The following REEP1 variants were observed in gnomAD, a reference collection of about 807,000 sequenced individuals.
REEP1 encodes receptor accessory protein 1.
Under a neutral mutation model 40.3 loss-of-function variants are expected in REEP1, and 22 were observed. That is an observed-to-expected ratio of 0.55 (90% CI 0.39 to 0.78). The LOEUF is 0.78. Among genes scored for constraint, REEP1 ranks in the 30% least tolerant of loss-of-function variants. REEP1 has a pLI of 0.00. For missense variants in REEP1, 280 were observed against 361.1 expected (o/e 0.78, Z 1.82); for synonymous variants, 116 against 139.2 (o/e 0.83, Z 1.17).
intron 1 of REEP1, among the ~76,000 whole-genome samples, chr2:86,284,012 T>A (rs1280668847): frequency 1.3e-5 from 2 of 151,716 alleles, no homozygotes; most frequent in Non-Finnish European, 2.9e-5. Flanking sequence ...GGGGAAAAAG[T>A]AGGCCTGGGG....
At chr2:86,257,374 C>T (rs1487014171) in intron 3 of REEP1, among the ~76,000 whole-genome samples, 2 of 151,854 alleles carry the variant, frequency 1.3e-5, no homozygotes, top group Non-Finnish European at 2.9e-5. Flanking sequence ...GAGTATACAA[C>T]GAAGAGTCTC....
At chr2:86,235,383 C>T (rs181758019) in intron 5 of REEP1, among the ~76,000 whole-genome samples, 10 of 152,290 alleles carry the variant, frequency 6.6e-5, no homozygotes, top group Admixed American at 5.9e-4. Context: ...GCTGCTCGTG[C>T]GGATTCAATG....
chr2:86,314,018 T>C (rs1200395586), intron 1 of REEP1, among the ~76,000 whole-genome samples: 2 of 152,242 alleles, frequency 1.3e-5, no homozygotes, highest in Non-Finnish European at 2.9e-5. Context: ...TTTGTGACTT[T>C]GTATCCAACC....
chr2:86,227,786 C>T (rs1044103170), intron 6 of REEP1, among the ~76,000 whole-genome samples: 5 of 152,206 alleles, frequency 3.3e-5, no homozygotes, highest in African/African-American at 1.2e-4. Flanking sequence ...CCCCAAAGTG[C>T]TTCGCATCTG....
chr2:86,284,365 A>G (rs562562799), intron 1 of REEP1, among the ~76,000 whole-genome samples: 12 of 152,236 alleles, frequency 7.9e-5, no homozygotes, highest in Non-Finnish European at 1.5e-4. Context: ...CCACAAAGCC[A>G]GAGATGGTGT....
chr2:86,215,616 ATAT>A lies in REEP1; in HGVS notation c.*1420_*1422del, dbSNP rs1674068382. ...AGAAACACCAACTCGAAGCACAAAT[ATAT>A]TATTCTTATATTTCGGCTCAGCTCT... is the stretch of plus-strand genomic sequence containing the variant. On this transcript the variant is annotated 3_prime_UTR_variant, in exon 9 of 9. Coordinates refer to ENST00000538924, the MANE Select transcript of REEP1 (RefSeq NM_001371279.1). The A allele has an allele frequency of 6.6e-6, 1 of 152,622 alleles. No homozygotes were observed. Among genetic ancestry groups the A allele is most frequent in the Admixed American group, 6.5e-5 (1 of 15,270 alleles). 9.5% of individuals were successfully genotyped at this position (152,622 alleles called of 1,614,324 possible).
At chr2:86,263,853 C>T (rs913615730) in intron 3 of REEP1, 112 bp downstream of exon 3, 7 of 788,186 alleles carry the variant, frequency 8.9e-6, no homozygotes, top group Admixed American at 7.0e-5. Context: ...CCTGCTCTTG[C>T]GTCTCTGGCC....
chr2:86,325,384 C>A (rs1219130602), intron 1 of REEP1, among the ~76,000 whole-genome samples: 1 of 152,180 alleles, frequency 6.6e-6, no homozygotes, highest in Non-Finnish European at 1.5e-5. Context: ...TGGGTGTGGT[C>A]AGCTGAGTAA....
At chr2:86,255,109 A>G in intron 3 of REEP1, 1 of 348,190 alleles carries the variant, frequency 2.9e-6, no homozygotes. Context: ...CACAGGCTGG[A>G]GCTTCCTGCT....
intron 6 of REEP1, among the ~76,000 whole-genome samples, chr2:86,232,217 C>T (rs953763031): frequency 6.6e-6 from 1 of 152,134 alleles, no homozygotes; most frequent in African/African-American, 2.4e-5. Context: ...CAGTAAGCCC[C>T]GGGTGAGAAG....
intron 1 of REEP1, among the ~76,000 whole-genome samples, chr2:86,330,879 T>C (rs933114647): frequency 6.6e-6 from 1 of 152,186 alleles, no homozygotes; most frequent in Non-Finnish European, 1.5e-5. Flanking sequence ...ACCTTTGTTT[T>C]CTTGAGCCAC....
intron 1 of REEP1, among the ~76,000 whole-genome samples, chr2:86,332,755 A>G (rs1680836239): frequency 6.6e-6 from 1 of 152,226 alleles, no homozygotes; most frequent in African/African-American, 2.4e-5. Flanking sequence ...ACAAAGAAAC[A>G]GGGCAGCTCA....
At chr2:86,283,534 C>T (rs751126821) in intron 1 of REEP1, among the ~76,000 whole-genome samples, 1 of 152,192 alleles carries the variant, frequency 6.6e-6, no homozygotes, top group Non-Finnish European at 1.5e-5. Context: ...GAGAGAACTC[C>T]TAGTCCAGAA....
chr2:86,298,902 G>A lies in REEP1; in HGVS notation c.33-16660C>T, dbSNP rs185170092. On this transcript the variant is annotated intron_variant, in intron 1 of 8. Coordinates refer to ENST00000538924, the MANE Select transcript of REEP1 (RefSeq NM_001371279.1). ...TGCTGACCGAGCTTTCCTCTGGATG[G>A]TGGAAAACAAAGAGTGGATAGGCTG... Among the ~76,000 whole-genome samples, 39 of 152,312 alleles carry A rather than the reference G, an allele frequency of 2.6e-4. 1 individual carries two copies. Among genetic ancestry groups the A allele is most frequent in the Admixed American group, 2.1e-3 (32 of 15,302 alleles).
chr2:86,272,691 T>C (rs1425982138), intron 2 of REEP1, among the ~76,000 whole-genome samples: 1 of 152,226 alleles, frequency 6.6e-6, no homozygotes, highest in African/African-American at 2.4e-5. Flanking sequence ...TTCTTGAACC[T>C]GTCTTATTTT....
intron 4 of REEP1, among the ~76,000 whole-genome samples, chr2:86,253,343 A>AATG (rs1676387132): frequency 6.6e-6 from 1 of 151,854 alleles, no homozygotes; most frequent in African/African-American, 2.4e-5. Context: ...TCGGTAAGAC[A>AATG]ATGACATTTG....
intron 6 of REEP1, among the ~76,000 whole-genome samples, chr2:86,229,371 C>G (rs1170301703): frequency 6.6e-6 from 1 of 152,194 alleles, no homozygotes; most frequent in Non-Finnish European, 1.5e-5. Context: ...AGTCTAGCCT[C>G]TTCCCCTTTT....
rs559555789 is a variant in REEP1 at position 86,245,817 on chromosome 2, T to C, written c.417+6140A>G. Reference sequence around the variant, plus strand: ...TCTCACTCCGTCTCCCAGGCTGGAGTGCAGTGGTGCTATCTTGGCTCACTG... The same window carrying C: ...TCTCACTCCGTCTCCCAGGCTGGAGCGCAGTGGTGCTATCTTGGCTCACTG... On this transcript the variant is annotated intron_variant, in intron 5 of 8. Coordinates refer to ENST00000538924, the MANE Select transcript of REEP1 (RefSeq NM_001371279.1). Among the ~76,000 whole-genome samples, 17 of 150,420 alleles carry C rather than the reference T, an allele frequency of 1.1e-4. No homozygotes were observed. In the East Asian group the frequency reaches 2.2e-3, roughly 19 times the overall value.
intron 2 of REEP1, among the ~76,000 whole-genome samples, chr2:86,271,121 G>A (rs1271228310): frequency 2.0e-5 from 3 of 152,082 alleles, no homozygotes; most frequent in African/African-American, 4.8e-5. Flanking sequence ...GAACCCGGGA[G>A]GCAAAGGTTA....
Sources: allele counts gnomAD v4.1 joint callset (sites outside exome capture counted in the v4.1 genomes callset), GRCh38; gene constraint gnomAD v4.1.1; transcripts MANE v1.5; gene names NCBI Gene and HGNC (gene_info 2026-07-23, HGNC 2026-07-21).